The following EYA4 variants were observed in gnomAD, a reference collection of about 807,000 sequenced individuals.
EYA4 encodes EYA transcriptional coactivator and phosphatase 4, also known as protein phosphatase EYA4.
A neutral mutation model predicts 87.9 loss-of-function variants in EYA4; 31 were observed. The ratio of observed to expected loss-of-function variants is 0.35; its 90% CI spans 0.27 to 0.48. The LOEUF (loss-of-function observed/expected upper bound fraction) is 0.48. Ranked by LOEUF, EYA4 falls within the 20% of genes least tolerant of loss-of-function variation. EYA4 has a pLI of 0.99. For synonymous variants in EYA4, 263 were observed against 270.6 expected, an observed-to-expected ratio of 0.97 and a Z score of 0.28; for missense variants, 678 against 761.4, an observed-to-expected ratio of 0.89 and a Z score of 1.29.
intron 2 of EYA4, among the ~76,000 whole-genome samples, chr6:133,332,711 A>ATTTTTTTTTTTTTTTTTTT (rs71003634): frequency 1.6e-5 from 2 of 124,896 alleles, no homozygotes; most frequent in Non-Finnish European, 1.6e-5. Flanking sequence ...GCCCAGCTAA[A>ATTTTTTTTTTTTTTTTTTT]TTTTTTTTTT....
At position 133,256,101 on chromosome 6, in the gene EYA4, G is replaced by C. The variant is rs557507500; in HGVS notation, c.-66+14352G>C. 3.6e-3 allele frequency among the ~76,000 whole-genome samples: 545 copies of C among 151,708 alleles called. 2 individuals are homozygous for C. Among genetic ancestry groups the C allele is most frequent in the Non-Finnish European group, 5.9e-3 (401 of 67,792 alleles). On this transcript the variant is annotated intron_variant, in intron 1 of 19. Transcript: ENST00000355286. ...TTGTAATTATTTGTGCTCTGGTTAA[G>C]AAAAATGGTTATAGTAGTAAATTCC...
At chr6:133,460,465 G>T (rs1164433814) in intron 6 of EYA4, among the ~76,000 whole-genome samples, 1 of 152,104 alleles carries the variant, frequency 6.6e-6, no homozygotes, top group East Asian at 1.9e-4. Context: ...TCTCAGAAAA[G>T]TATTATCTCT....
intron 14 of EYA4, among the ~76,000 whole-genome samples, chr6:133,506,842 G>A (rs1562498838): frequency 6.6e-6 from 1 of 152,168 alleles, no homozygotes; most frequent in Non-Finnish European, 1.5e-5. Context: ...GTAGTTGAAT[G>A]TGTACTGCAA....
chr6:133,327,418 C>T (rs987994764), intron 2 of EYA4, among the ~76,000 whole-genome samples: 1 of 152,108 alleles, frequency 6.6e-6, no homozygotes, highest in Non-Finnish European at 1.5e-5. Flanking sequence ...AGGTGTGAGC[C>T]ACAGCACCTG....
At chr6:133,365,921 G>A (rs1361447149) in intron 2 of EYA4, among the ~76,000 whole-genome samples, 2 of 152,134 alleles carry the variant, frequency 1.3e-5, no homozygotes, top group East Asian at 3.9e-4. Context: ...ATTCAGTGAG[G>A]CCACAAATTC....
At chr6:133,436,439 T>A (rs1791690148) in intron 3 of EYA4, among the ~76,000 whole-genome samples, 1 of 152,162 alleles carries the variant, frequency 6.6e-6, no homozygotes, top group Non-Finnish European at 1.5e-5. Flanking sequence ...TTATCTACAT[T>A]TTTTTCTATT....
intron 3 of EYA4, among the ~76,000 whole-genome samples, chr6:133,443,956 G>C (rs1355451171): frequency 6.6e-6 from 1 of 152,112 alleles, no homozygotes; most frequent in Non-Finnish European, 1.5e-5. Flanking sequence ...CTGTCCTCTT[G>C]ATAGATGTTC....
chr6:133,445,723 C>T (rs1188924806), intron 3 of EYA4, among the ~76,000 whole-genome samples: 1 of 152,046 alleles, frequency 6.6e-6, no homozygotes, highest in South Asian at 2.1e-4. Context: ...GGACTACAGG[C>T]GCCCGCCACC....
intron 3 of EYA4, among the ~76,000 whole-genome samples, chr6:133,430,565 T>G (rs1227358488): frequency 1.3e-5 from 2 of 152,220 alleles, no homozygotes; most frequent in Non-Finnish European, 2.9e-5. Flanking sequence ...TCAATCAGAT[T>G]ATAAAATTCT....
intron 2 of EYA4, among the ~76,000 whole-genome samples, chr6:133,348,289 T>C (rs1783361392): frequency 7.6e-6 from 1 of 132,188 alleles, no homozygotes; most frequent in Non-Finnish European, 1.6e-5. Flanking sequence ...TTTTTTTTTT[T>C]TGGAGACAGA....
At chr6:133,334,971 T>G (rs1426800674) in intron 2 of EYA4, among the ~76,000 whole-genome samples, 1 of 152,248 alleles carries the variant, frequency 6.6e-6, no homozygotes, top group Non-Finnish European at 1.5e-5. Context: ...GTTTTAGGAA[T>G]GAGAAGTCAT....
At chr6:133,311,947 C>T (rs765448973) in intron 2 of EYA4, among the ~76,000 whole-genome samples, 6 of 152,138 alleles carry the variant, frequency 3.9e-5, no homozygotes, top group African/African-American at 7.2e-5. Context: ...ATATTATCCA[C>T]GTAATTGCAG....
In EYA4 at chr6:133,290,322, C is replaced by T. The variant is rs371100758; in HGVS notation, c.33+15509C>T. ...CCTTATTTATTTTTCAGTCCTCCAC[C>T]CTGACTTGTGCCTTCATCAAAAAAG... On this transcript the variant is annotated intron_variant, in intron 2 of 19. Coordinates refer to ENST00000355286, the MANE Select transcript of EYA4 (RefSeq NM_004100.5). Among the ~76,000 whole-genome samples, 30 of 152,202 alleles carry T rather than the reference C, an allele frequency of 2.0e-4. No individual in the cohort carries two copies. In the East Asian group the frequency reaches 2.1e-3, roughly 11 times the overall value.
At chr6:133,251,305 T>TAGTC (rs957566728) in intron 1 of EYA4, among the ~76,000 whole-genome samples, 1 of 152,220 alleles carries the variant, frequency 6.6e-6, no homozygotes, top group East Asian at 1.9e-4. Context: ...TAATTTTCAA[T>TAGTC]AGTCAGTGGG....
At chr6:133,293,861 CTGGAAGTGGAGGCTT>C (rs1778693672) in intron 2 of EYA4, among the ~76,000 whole-genome samples, 1 of 151,140 alleles carries the variant, frequency 6.6e-6, no homozygotes, top group African/African-American at 2.4e-5. Context: ...CACCTGAGCC[CTGGAAGTGGAGGCTT>C]TGGAAGTGGA....
intron 2 of EYA4, among the ~76,000 whole-genome samples, chr6:133,352,564 TTAAG>T (rs1272205047): frequency 6.6e-6 from 1 of 152,054 alleles, no homozygotes; most frequent in Non-Finnish European, 1.5e-5. Context: ...TAGAAAAAAA[TTAAG>T]TTAGTGATTT....
At chr6:133,243,654 CTT>C (rs200732942) in intron 1 of EYA4, among the ~76,000 whole-genome samples, 119 of 134,304 alleles carry the variant, frequency 8.9e-4, no homozygotes, top group Admixed American at 3.1e-3. Context: ...GAATCAGTGC[CTT>C]TTTTTTTTTT....
intron 13 of EYA4, among the ~76,000 whole-genome samples, chr6:133,485,750 A>C (rs1337174659): frequency 6.6e-6 from 1 of 152,236 alleles, no homozygotes; most frequent in Non-Finnish European, 1.5e-5. Flanking sequence ...AAAACTTAAG[A>C]AATATTCCAT....
chr6:133,504,944 G>A (rs1330683655), intron 13 of EYA4, among the ~76,000 whole-genome samples: 3 of 152,136 alleles, frequency 2.0e-5, no homozygotes, highest in Non-Finnish European at 2.9e-5. Context: ...TCTGGCTCCT[G>A]GCCCAGCCAC....
Sources: gnomAD v4.1 joint callset for allele counts (sites outside exome capture counted in the v4.1 genomes callset) on GRCh38, gnomAD v4.1.1 for gene constraint, MANE v1.5 for transcripts, NCBI Gene and HGNC (gene_info 2026-07-23, HGNC 2026-07-21) for gene names.